Variants in TMC8 observed in about 807,000 individuals in gnomAD.
TMC8 encodes transmembrane channel like 8.
In TMC8, 71 loss-of-function variants were observed where a neutral mutation model predicts 76.0. The ratio of observed to expected loss-of-function variants is 0.93; its 90% CI spans 0.77 to 1.14. TMC8 has a LOEUF of 1.14. TMC8 is among the 50% of genes most tolerant of loss of function. The pLI is 0.00. For missense variants in TMC8, 924 were observed against 947.9 expected, an observed-to-expected ratio of 0.97 and a Z score of 0.33; for synonymous variants, 433 against 433.8, an observed-to-expected ratio of 1.00 and a Z score of 0.02.
In TMC8 at chr17:78,138,040, C is replaced by T. The variant is rs1184594671; in HGVS notation, c.1385C>T (p.Ala462Val). 1.2e-6 allele frequency: 2 copies of T among 1,613,898 alleles called. No individual in the cohort carries two copies. Among genetic ancestry groups the T allele is most frequent in the Non-Finnish European group, 1.7e-6 (2 of 1,180,016 alleles). ...LVDRFSGRFW[A>V]WLEREEFLVP... ...GACCGGTTCTCAGGCCGGTTCTGGG[C>T]CTGGCTGGAACGGGAGGAGTTCCTG... Residue 462 changes from alanine to valine, a missense_variant, in exon 12 of 16, where the codon GCC becomes GTC. Transcript: ENST00000318430.
rs1568011474 is a variant in TMC8 at position 78,131,635 on chromosome 17, C to T, written c.47C>T (p.Pro16Leu). Residue 16 changes from proline (P) to leucine (L), a missense_variant, in exon 2 of 16, where the codon CCG (proline) becomes CTG (leucine). By Grantham distance (98) the Pro-to-Leu change is moderately conservative. Transcript: ENST00000318430. ...SVSSERAPGV[P>L]EPEELWEAEM... ...TCATCGGAGCGGGCCCCTGGGGTGCCGGAGCCGGAGGAGCTGTGGGAGGCA... is the reference window on the plus strand; with the variant it reads ...TCATCGGAGCGGGCCCCTGGGGTGCTGGAGCCGGAGGAGCTGTGGGAGGCA... 3 of 1,555,156 alleles carry T rather than the reference C, an allele frequency of 1.9e-6. No individual in the cohort carries two copies. The Admixed American group carries it at 5.8e-5, about 30-fold the overall frequency.
chr17:78,132,867 C>G lies in TMC8; in HGVS notation c.528C>G (p.Gly176=). The G allele has an allele frequency of 6.2e-7, 1 of 1,614,182 alleles. No individual in the cohort carries two copies. Among genetic ancestry groups the G allele is most frequent in the Non-Finnish European group, 8.5e-7 (1 of 1,180,008 alleles). Residue 176 remains glycine, a synonymous_variant, in exon 5 of 16, where the codon GGC becomes GGG. Coordinates refer to ENST00000318430, the MANE Select transcript of TMC8 (RefSeq NM_152468.5). ...ATCAACTTTGGCATGTTTTGACTGGCAGGGTGAGTGAGGTCTGTCCCGGCT... is the reference window on the plus strand; with the variant it reads ...ATCAACTTTGGCATGTTTTGACTGGGAGGGTGAGTGAGGTCTGTCCCGGCT... ...FHNQLWHVLT[G]RAFTNTYLFY...
Position 78,137,736 on chromosome 17 carries a change from G to C in TMC8, c.1271G>C (p.Gly424Ala), listed in dbSNP as rs1031937056. 1.9e-6 allele frequency: 3 copies of C among 1,613,596 alleles called. No homozygotes were observed. The highest frequency in any genetic ancestry group is 2.7e-5 in the African/African-American group (2 of 75,070). ...CCCCAGTGCTGGGAGAACTCCGTGG[G>C]GGAGGAGCTGTACAAGCTGAGTATC... ...CDYQCWENSVGEELYKLSIFN... is the reference protein window; with the variant it reads ...CDYQCWENSVAEELYKLSIFN... Residue 424 changes from glycine to alanine, a missense_variant, in exon 11 of 16, where the codon GGG becomes GCG. Physicochemically the swap from Gly to Ala is moderately conservative, Grantham distance 60. Coordinates refer to ENST00000318430, the MANE Select transcript of TMC8 (RefSeq NM_152468.5).
intron 9 of TMC8, chr17:78,136,992 C>T (rs1567802036): frequency 8.2e-6 from 4 of 487,954 alleles, no homozygotes; most frequent in African/African-American, 3.9e-5. Context: ...GCCTGGGTGA[C>T]AGAGTGAGAC....
chr17:78,134,217 G>A (rs1165889678), intron 7 of TMC8, among the ~76,000 whole-genome samples, 177 bp from the exon 8 acceptor site: 1 of 152,252 alleles, frequency 6.6e-6, no homozygotes, highest in African/African-American at 2.4e-5. Flanking sequence ...ATGGGTGATG[G>A]CGAGCACGCC....
chr17:78,134,572 GC>G lies in TMC8; in HGVS notation c.987+9del, dbSNP rs778386239. The G allele has an allele frequency of 6.2e-7, 1 of 1,614,030 alleles. No homozygotes were observed. Among genetic ancestry groups the G allele is most frequent in the African/African-American group, 1.3e-5 (1 of 75,052 alleles). ...TCACAGGACAACAAGGAGGTGTCAG[GC>G]AACTGCATTCATTTAATCCTGGCCA... On this transcript the variant is annotated intron_variant, in intron 8 of 15. Coordinates refer to ENST00000318430, the MANE Select transcript of TMC8 (RefSeq NM_152468.5).
At chr17:78,139,762 G>A (rs866848396) in intron 15 of TMC8, among the ~76,000 whole-genome samples, 9 of 149,938 alleles carry the variant, frequency 6.0e-5, no homozygotes, top group African/African-American at 2.0e-4. Flanking sequence ...AACCGGGCAC[G>A]GTGGTTCGTG....
Position 78,132,252 on chromosome 17 carries a change from G to A in TMC8, c.299-107G>A, listed in dbSNP as rs527901901. On this transcript the variant is annotated intron_variant, in intron 3 of 15. Transcript: ENST00000318430. Reference sequence around the variant, plus strand: ...GGTACCTCCGGACTCGGGCGGGTGGGAGCCTGGCGGGCACCCCACGCCGTC... The same window carrying A: ...GGTACCTCCGGACTCGGGCGGGTGGAAGCCTGGCGGGCACCCCACGCCGTC... 264 of 1,454,006 alleles carry A rather than the reference G, an allele frequency of 1.8e-4. No individual in the cohort carries two copies. The South Asian group carries it at 2.9e-3, about 16-fold the overall frequency. 90.1% of individuals were successfully genotyped at this position (1,454,006 alleles called of 1,614,324 possible).
chr17:78,134,708 C>T (rs2075174265), intron 8 of TMC8, 144 bp downstream of exon 8: 2 of 1,501,688 alleles, frequency 1.3e-6, no homozygotes, highest in Non-Finnish European at 1.8e-6. Flanking sequence ...GGCGGGCTCC[C>T]ACTGGATATT....
In TMC8 at chr17:78,134,957, G is replaced by C. The variant is rs1468613197; in HGVS notation, c.1075G>C (p.Val359Leu). The C allele has an allele frequency of 1.2e-6, 2 of 1,614,058 alleles. No homozygotes were observed. The highest frequency in any genetic ancestry group is 1.1e-5 in the South Asian group (1 of 91,078). The change falls in exon 9 of 16, where the codon GTC becomes CTC. Residue 359 changes from valine (V) to leucine (L), a missense_variant. Physicochemically the swap from Val to Leu is conservative, Grantham distance 32. Transcript: ENST00000318430. ...GGGTCCCCTGCTGTTCACATTTCTG[G>C]TCCAGCTGGAGAACTACCCTCCCAA... Reference protein sequence around the residue: ...FLGPLLFTFLVQLENYPPNTE... With the variant: ...FLGPLLFTFLLQLENYPPNTE...
chr17:78,134,119 G>A (rs1040634436), intron 7 of TMC8, 119 bp downstream of exon 7: 28 of 1,460,956 alleles, frequency 1.9e-5, no homozygotes, highest in African/African-American at 1.5e-4. Context: ...GTGTGTGAGC[G>A]TGTGTGGGAG....
intron 15 of TMC8, among the ~76,000 whole-genome samples, chr17:78,140,025 A>G (rs1488294380): frequency 6.6e-6 from 1 of 152,030 alleles, no homozygotes. Flanking sequence ...CTGGGCAACA[A>G]GAGCAAAACT....
chr17:78,134,605 C>T (rs373120055), intron 8 of TMC8, 41 bp downstream of exon 8: 10 of 1,610,150 alleles, frequency 6.2e-6, no homozygotes, highest in African/African-American at 2.7e-5. Context: ...GCCAGAACTG[C>T]GGGGGTGAGA....
rs1202932943 is a variant in TMC8, at chr17:78,131,989, G to A, written c.257G>A (p.Arg86Gln). 5.2e-6 allele frequency: 8 copies of A among 1,526,896 alleles called. No individual in the cohort carries two copies. The South Asian group carries it at 6.0e-5, about 11-fold the overall frequency. The allele number at this position is 1,526,896 out of a possible 1,614,324, so 94.6% of individuals were successfully genotyped here. A position where few individuals can be genotyped will look rare whatever the true frequency, so the allele number is the denominator to read the frequency against. The change falls in exon 3 of 16, where the codon CGG (arginine) becomes CAG (glutamine). Residue 86 changes from arginine (R) to glutamine (Q), a missense_variant. Arg to Gln is a conservative substitution (Grantham distance 43, BLOSUM62 1). Transcript: ENST00000318430. ...RLREAAQRLA[R>Q]GLGLWEGALY... ...CGGGAGGCAGCGCAGCGGCTGGCCC[G>A]GGGCCTTGGGCTCTGGGAGGGGGCG...
At chr17:78,138,249 G>A (rs1852388131) in intron 12 of TMC8, 61 bp downstream of exon 12, 6 of 1,612,538 alleles carry the variant, frequency 3.7e-6, no homozygotes, top group Admixed American at 3.3e-5. Flanking sequence ...CTTGAGCTGG[G>A]CTCGCCTCCT....
chr17:78,139,459 C>T (rs1428361691), intron 15 of TMC8, among the ~76,000 whole-genome samples: 1 of 152,176 alleles, frequency 6.6e-6, no homozygotes, highest in Non-Finnish European at 1.5e-5. Flanking sequence ...ACCTTAGGGG[C>T]TGGGCCTTTG....
intron 14 of TMC8, 23 bp from the exon 15 acceptor site, chr17:78,139,139 C>G: frequency 6.2e-7 from 1 of 1,613,132 alleles, no homozygotes; most frequent in East Asian, 2.2e-5. Context: ...GGCAACTGAC[C>G]ACGAATCCCC....
intron 9 of TMC8, among the ~76,000 whole-genome samples, chr17:78,136,341 G>A (rs2075229228): frequency 1.3e-5 from 2 of 151,906 alleles, no homozygotes; most frequent in Admixed American, 6.6e-5. Context: ...TGAAAGACTA[G>A]GACACACAGT....
At chr17:78,134,370 C>G (rs745825312) in intron 7 of TMC8, 24 bp from the exon 8 acceptor site, 3 of 1,606,756 alleles carry the variant, frequency 1.9e-6, no homozygotes, top group Non-Finnish European at 8.5e-7. Context: ...CTGCAGCTGC[C>G]TCTGTCCCCA....
Sources: gnomAD v4.1 joint callset for allele counts (sites outside exome capture counted in the v4.1 genomes callset) on GRCh38, gnomAD v4.1.1 for gene constraint, MANE v1.5 for transcripts, NCBI Gene and HGNC (gene_info 2026-07-23, HGNC 2026-07-21) for gene names.